The following SYT6 variants were observed in gnomAD, a reference collection of about 807,000 sequenced individuals.
SYT6 encodes synaptotagmin 6, also known as synaptotagmin-6.
In SYT6, 24 loss-of-function variants were observed where a neutral mutation model predicts 38.4. That is an observed-to-expected ratio of 0.62 (90% CI 0.45 to 0.88). The LOEUF (loss-of-function observed/expected upper bound fraction) is 0.88, where lower values mean the gene tolerates loss of function less well. SYT6 is among the 40% of genes least tolerant of loss of function. The probability of loss-of-function intolerance (pLI) is 0.00; values close to 1 mark genes in which losing one functional copy is unlikely to be tolerated. For missense variants in SYT6, 611 were observed against 621.0 expected (o/e 0.98, Z 0.17); for synonymous variants, 265 against 241.9 (o/e 1.10, Z -0.89).
At chr1:114,108,382 A>G (rs1055182564) in intron 3 of SYT6, among the ~76,000 whole-genome samples, 2 of 152,142 alleles carry the variant, frequency 1.3e-5, no homozygotes, top group East Asian at 1.9e-4. Context: ...AAGAGATCCT[A>G]TTTGTGGGCT....
intron 3 of SYT6, among the ~76,000 whole-genome samples, chr1:114,120,011 C>T (rs190411237): frequency 1.0e-3 from 151 of 149,022 alleles, no homozygotes; most frequent in African/African-American, 3.4e-3. Flanking sequence ...GCGGAACTTG[C>T]AGTGAGCCGA....
At chr1:114,133,765 G>C (rs1678310089) in intron 3 of SYT6, among the ~76,000 whole-genome samples, 2 of 152,226 alleles carry the variant, frequency 1.3e-5, no homozygotes, top group Non-Finnish European at 2.9e-5. Context: ...AGCCAGTGGG[G>C]CATGTTAGCT....
chr1:114,106,150 C>T (rs942813355), intron 3 of SYT6, among the ~76,000 whole-genome samples: 7 of 152,164 alleles, frequency 4.6e-5, no homozygotes, highest in East Asian at 1.9e-4. Flanking sequence ...TTCCATGTCT[C>T]ACATAGGCAC....
intron 3 of SYT6, among the ~76,000 whole-genome samples, chr1:114,133,196 C>T (rs1678262020): frequency 6.6e-6 from 1 of 152,120 alleles, no homozygotes; most frequent in South Asian, 2.1e-4. Context: ...CATGCACACA[C>T]ACACACGCAT....
intron 3 of SYT6, among the ~76,000 whole-genome samples, chr1:114,111,980 G>T (rs576487502): frequency 6.6e-6 from 1 of 152,308 alleles, no homozygotes; most frequent in Admixed American, 6.5e-5. Flanking sequence ...AAGAATGCTG[G>T]GGGTGTCTGG....
intron 2 of SYT6, among the ~76,000 whole-genome samples, chr1:114,138,649 T>C (rs1678659349): frequency 6.6e-6 from 1 of 152,200 alleles, no homozygotes; most frequent in Admixed American, 6.5e-5. Flanking sequence ...CTGCATAGGA[T>C]TGCTGTGAAA....
At chr1:114,098,975 T>G in intron 5 of SYT6, 119 bp downstream of exon 5, 1 of 1,010,270 alleles carries the variant, frequency 9.9e-7, no homozygotes, top group Non-Finnish European at 1.4e-6. Context: ...ACAGATAGAT[T>G]TGAGGCCTGA....
intron 3 of SYT6, among the ~76,000 whole-genome samples, chr1:114,110,130 C>G (rs993540945): frequency 6.6e-6 from 1 of 152,202 alleles, no homozygotes; most frequent in African/African-American, 2.4e-5. Context: ...GAGACTGGCT[C>G]TACCCCTGCC....
intron 7 of SYT6, among the ~76,000 whole-genome samples, chr1:114,092,713 C>G (rs1305010349): frequency 1.3e-5 from 2 of 152,172 alleles, no homozygotes; most frequent in South Asian, 2.1e-4. Flanking sequence ...CAGCCTGACT[C>G]TAACCCTTCT....
chr1:114,099,940 A>G (rs6537810), intron 4 of SYT6, among the ~76,000 whole-genome samples: 38,738 of 152,020 alleles, frequency 0.25, 5,185 homozygotes, highest in African/African-American at 0.28. Flanking sequence ...CCACTTCTGG[A>G]CAGTGGAGAA....
At chr1:114,141,724 C>T (rs1377137713) in intron 1 of SYT6, among the ~76,000 whole-genome samples, 1 of 152,184 alleles carries the variant, frequency 6.6e-6, no homozygotes. Flanking sequence ...CAATGCCTGG[C>T]TTCAAAATTT....
chr1:114,142,919 T>C (rs1328141511), intron 1 of SYT6, among the ~76,000 whole-genome samples: 1 of 152,184 alleles, frequency 6.6e-6, no homozygotes, highest in African/African-American at 2.4e-5. Flanking sequence ...TAGGCTACAG[T>C]ATATTTTACA....
At position 114,123,867 on chromosome 1, in the gene SYT6, C is replaced by T. The variant is rs115213402; in HGVS notation, c.1071+13628G>A. On this transcript the variant is annotated intron_variant, in intron 3 of 7. Coordinates refer to ENST00000610222, the MANE Select transcript of SYT6 (RefSeq NM_001253772.2). ...CAGGACACTTGCACAGGCCCCTCCC[C>T]GGCTCTTTCCCTGGCAGCCCTCTGC... 2.4e-3 allele frequency among the ~76,000 whole-genome samples: 367 copies of T among 152,338 alleles called. 1 individual carries two copies. Among genetic ancestry groups the T allele is most frequent in the African/African-American group, 8.3e-3 (345 of 41,584 alleles).
Position 114,103,655 on chromosome 1 carries a change from G to T in SYT6, c.1138C>A (p.Leu380Ile). 6.2e-7 allele frequency: 1 copy of T among 1,614,202 alleles called. No individual in the cohort carries two copies. Among genetic ancestry groups the T allele is most frequent in the Non-Finnish European group, 8.5e-7 (1 of 1,180,038 alleles). ...AGGTTCCGACACTTAATCACTGTGA[G>T]GGTGAGCCTGCCTGCAGTGGGCAGG... is the stretch of plus-strand genomic sequence containing the variant. ...CYLPTAGRLTLTVIKCRNLKA... is the reference protein window; with the variant it reads ...CYLPTAGRLTITVIKCRNLKA... Residue 380 changes from leucine (L) to isoleucine (I), a missense_variant, in exon 4 of 8, where the codon CTC becomes ATC. Coordinates refer to ENST00000610222, the MANE Select transcript of SYT6 (RefSeq NM_001253772.2).
chr1:114,115,036 GCAAAGACAGTGTTT>G (rs1676914603), intron 3 of SYT6, among the ~76,000 whole-genome samples: 1 of 152,196 alleles, frequency 6.6e-6, no homozygotes, highest in South Asian at 2.1e-4. Context: ...TAGGTATTAA[GCAAAGACAGTGTTT>G]CAAAGATATC....
At chr1:114,147,065 A>G (rs1278969794) in intron 1 of SYT6, among the ~76,000 whole-genome samples, 3 of 152,260 alleles carry the variant, frequency 2.0e-5, no homozygotes, top group Non-Finnish European at 4.4e-5. Flanking sequence ...ATTGAACATT[A>G]ATCAACAGAG....
At chr1:114,136,171 A>C (rs1455354935) in intron 3 of SYT6, among the ~76,000 whole-genome samples, 1 of 152,220 alleles carries the variant, frequency 6.6e-6, no homozygotes, top group African/African-American at 2.4e-5. Context: ...GGGTGTAAGC[A>C]GAGCCCACTA....
intron 1 of SYT6, among the ~76,000 whole-genome samples, chr1:114,141,494 G>T (rs1221282194): frequency 6.6e-6 from 1 of 152,202 alleles, no homozygotes; most frequent in East Asian, 1.9e-4. Flanking sequence ...AGCAGAGGTT[G>T]GTTCTTGAGG....
rs1255394210 is a variant in SYT6, at chr1:114,153,798, C to T, written c.-26G>A. ...GCCCTAGACACCCAGGCTTGCCGAG[C>T]AGCAGCTCGAACCCGCGCCCCGGCC... On this transcript the variant is annotated 5_prime_UTR_variant, in exon 1 of 8. Coordinates refer to ENST00000610222, the MANE Select transcript of SYT6 (RefSeq NM_001253772.2). The T allele has an allele frequency of 1.6e-6, 1 of 637,096 alleles. No individual in the cohort carries two copies. The highest frequency in any genetic ancestry group is 2.5e-5 in the Admixed American group (1 of 39,406). 39.5% of individuals were successfully genotyped at this position (637,096 alleles called of 1,614,324 possible).
Sources: gnomAD v4.1 joint callset for allele counts (sites outside exome capture counted in the v4.1 genomes callset) on GRCh38, gnomAD v4.1.1 for gene constraint, MANE v1.5 for transcripts, NCBI Gene and HGNC (gene_info 2026-07-23, HGNC 2026-07-21) for gene names.